LRRC4C: variants seen among roughly 807,000 people sequenced by gnomAD.
LRRC4C encodes leucine rich repeat containing 4C, also known as leucine-rich repeat-containing protein 4C.
LRRC4C carries 5 observed loss-of-function variants against 33.6 expected under a neutral mutation model. The observed-to-expected ratio is 0.15, with a 90% confidence interval of 0.08 to 0.31. The LOEUF (loss-of-function observed/expected upper bound fraction) is 0.31, where lower values mean the gene tolerates loss of function less well. Among genes scored for constraint, LRRC4C ranks in the 10% least tolerant of loss-of-function variants. The probability of loss-of-function intolerance (pLI) is 1.00; values close to 1 mark genes in which losing one functional copy is unlikely to be tolerated. For synonymous variants in LRRC4C, 329 were observed against 302.0 expected (o/e 1.09, Z -0.93); for missense variants, 560 against 796.7 (o/e 0.70, Z 3.58).
In LRRC4C at chr11:40,431,971, G is replaced by T. The variant is rs373423865; in HGVS notation, c.-269-112250C>A. Among the ~76,000 whole-genome samples, 229 of 152,302 alleles carry T rather than the reference G, an allele frequency of 1.5e-3. 1 individual carries two copies. The highest frequency in any genetic ancestry group is 5.3e-3 in the African/African-American group (219 of 41,566). On this transcript the variant is annotated intron_variant, in intron 3 of 6. Transcript: ENST00000528697. ...ATGGTCAGGACCCAAGGAAAAGTCA[G>T]CCACCTCAACCTTTGATTCTCATCT... is the stretch of plus-strand genomic sequence containing the variant.
intron 3 of LRRC4C, among the ~76,000 whole-genome samples, chr11:40,434,330 G>T (rs950375394): frequency 6.6e-6 from 1 of 152,190 alleles, no homozygotes; most frequent in African/African-American, 2.4e-5. Context: ...CTACCCTAGA[G>T]CTTTCACAGG....
At chr11:40,319,163 T>A (rs10837382) in intron 4 of LRRC4C, among the ~76,000 whole-genome samples, 90,492 of 152,118 alleles carry the variant, frequency 0.59, 27,641 homozygotes, top group East Asian at 0.77. Context: ...TAGCAGCTCT[T>A]CTGTCCTCTA....
intron 1 of LRRC4C, among the ~76,000 whole-genome samples, chr11:41,280,535 A>G (rs1251958814): frequency 6.6e-6 from 1 of 152,230 alleles, no homozygotes; most frequent in Non-Finnish European, 1.5e-5. Context: ...TGATGAAATA[A>G]CATTGCATTC....
chr11:41,431,629 A>AAG (rs908048945), intron 1 of LRRC4C, among the ~76,000 whole-genome samples: 2 of 127,228 alleles, frequency 1.6e-5, no homozygotes, highest in Non-Finnish European at 3.7e-5. Context: ...CAAGATTTCT[A>AAG]AGAGTGTGTG....
chr11:40,823,401 G>C (rs565481361), intron 2 of LRRC4C, among the ~76,000 whole-genome samples: 6 of 151,504 alleles, frequency 4.0e-5, no homozygotes, highest in African/African-American at 1.2e-4. Context: ...TGGGAGAAAA[G>C]TAAAAATAAA....
intron 1 of LRRC4C, among the ~76,000 whole-genome samples, chr11:41,005,662 T>G (rs1475836112): frequency 1.3e-5 from 2 of 151,750 alleles, no homozygotes; most frequent in Non-Finnish European, 2.9e-5. Flanking sequence ...TCTGTCTTGC[T>G]CTCTCTCTCT....
chr11:40,621,060 T>C (rs1962404920), intron 3 of LRRC4C, among the ~76,000 whole-genome samples: 1 of 151,606 alleles, frequency 6.6e-6, no homozygotes, highest in South Asian at 2.1e-4. Flanking sequence ...AATTCTCACA[T>C]CTTTCTTTTT....
chr11:40,845,962 C>T (rs1953138594), intron 2 of LRRC4C, among the ~76,000 whole-genome samples: 1 of 150,836 alleles, frequency 6.6e-6, no homozygotes, highest in Admixed American at 6.6e-5. Context: ...TGTTTGTTGG[C>T]TGCATAAATG....
chr11:40,259,292 T>A (rs1867483690), intron 4 of LRRC4C, among the ~76,000 whole-genome samples: 1 of 151,938 alleles, frequency 6.6e-6, no homozygotes, highest in African/African-American at 2.4e-5. Flanking sequence ...TTTGAGTTCA[T>A]TGTAGATTCT....
chr11:41,365,104 A>G (rs1952488634), intron 1 of LRRC4C, among the ~76,000 whole-genome samples: 1 of 152,030 alleles, frequency 6.6e-6, no homozygotes. Flanking sequence ...GTATCAGGAG[A>G]CCAAGCAAAG....
chr11:40,742,458 C>A (rs1001987220), intron 2 of LRRC4C, among the ~76,000 whole-genome samples: 2 of 152,002 alleles, frequency 1.3e-5, no homozygotes, highest in African/African-American at 4.8e-5. Context: ...TTCATTCAAT[C>A]ACATTTTGCA....
intron 1 of LRRC4C, among the ~76,000 whole-genome samples, chr11:40,947,394 G>T (rs1228015733): frequency 6.6e-6 from 1 of 152,084 alleles, no homozygotes; most frequent in Non-Finnish European, 1.5e-5. Flanking sequence ...TTCAGGTCTT[G>T]CTTTTAAGCT....
At chr11:40,263,921 T>C (rs1435029200) in intron 4 of LRRC4C, among the ~76,000 whole-genome samples, 1 of 152,070 alleles carries the variant, frequency 6.6e-6, no homozygotes, top group Non-Finnish European at 1.5e-5. Context: ...GGAGCCTGGG[T>C]TTCTGGAGGA....
intron 2 of LRRC4C, among the ~76,000 whole-genome samples, chr11:40,910,493 A>C (rs1956621326): frequency 6.6e-6 from 1 of 152,222 alleles, no homozygotes; most frequent in Admixed American, 6.5e-5. Flanking sequence ...TAAAAAAGCA[A>C]ATACGCCTTT....
At chr11:41,348,688 G>T (rs145150518) in intron 1 of LRRC4C, among the ~76,000 whole-genome samples, 2 of 152,060 alleles carry the variant, frequency 1.3e-5, no homozygotes, top group African/African-American at 2.4e-5. Context: ...CAGAGCCTGA[G>T]CTAAAAGGGA....
At chr11:41,379,118 T>C (rs1217144347) in intron 1 of LRRC4C, among the ~76,000 whole-genome samples, 1 of 152,018 alleles carries the variant, frequency 6.6e-6, no homozygotes, top group Non-Finnish European at 1.5e-5. Context: ...ATCTAAGTGG[T>C]TTCTACCAGA....
intron 4 of LRRC4C, among the ~76,000 whole-genome samples, chr11:40,309,577 C>G (rs1945202481): frequency 6.6e-6 from 1 of 150,698 alleles, no homozygotes; most frequent in African/African-American, 2.4e-5. Context: ...ACAATCTCAG[C>G]TCACTGCAAC....
At chr11:40,821,439 A>T (rs1041371639) in intron 2 of LRRC4C, among the ~76,000 whole-genome samples, 1 of 151,680 alleles carries the variant, frequency 6.6e-6, no homozygotes, top group Non-Finnish European at 1.5e-5. Context: ...CGGTGCCAGG[A>T]TATGAATAAA....
At chr11:40,142,236 GC>G (rs1165979219) in intron 5 of LRRC4C, among the ~76,000 whole-genome samples, 1 of 119,342 alleles carries the variant, frequency 8.4e-6, no homozygotes, top group Non-Finnish European at 1.6e-5. Flanking sequence ...CCAAGATCAT[GC>G]CACTGCACTC....
Sources: allele counts gnomAD v4.1 joint callset (sites outside exome capture counted in the v4.1 genomes callset), GRCh38; gene constraint gnomAD v4.1.1; transcripts MANE v1.5; gene names NCBI Gene and HGNC (gene_info 2026-07-23, HGNC 2026-07-21).